Variants in ATG101 observed in about 807,000 individuals in gnomAD.
The protein encoded by ATG101 is autophagy related 101.
In ATG101, 6 loss-of-function variants were observed where a neutral mutation model predicts 16.7. That is an observed-to-expected ratio of 0.36 (90% CI 0.20 to 0.71). ATG101 has a LOEUF of 0.71. ATG101 is among the 30% of genes least tolerant of loss of function. ATG101 has a pLI of 0.57. For synonymous variants in ATG101, 108 were observed against 118.1 expected (o/e 0.91, Z 0.56); for missense variants, 200 against 292.5 (o/e 0.68, Z 2.31).
Position 52,076,998 on chromosome 12 carries a change from C to T in ATG101, c.465C>T (p.Ile155=), listed in dbSNP as rs373128893. The T allele has an allele frequency of 2.7e-4, 429 of 1,614,046 alleles. No individual in the cohort carries two copies. The highest frequency in any genetic ancestry group is 3.3e-4 in the Non-Finnish European group (388 of 1,180,046). The change falls in exon 4 of 4, where the codon ATC becomes ATT. Residue 155 remains isoleucine, a synonymous_variant. Transcript: ENST00000336854. ...AACTCTGCGAGAAGATCATCAACATCGTGGAGGTGATGAATCGGCATGAGT... is the reference window on the plus strand; with the variant it reads ...AACTCTGCGAGAAGATCATCAACATTGTGGAGGTGATGAATCGGCATGAGT... ...GEKLCEKIIN[I]VEVMNRHEYL... is the part of the protein sequence containing the mutation.
intron 3 of ATG101, among the ~76,000 whole-genome samples, chr12:52,074,336 G>GTGCC (rs1051406419): frequency 6.6e-6 from 1 of 152,148 alleles, no homozygotes; most frequent in Non-Finnish European, 1.5e-5. Flanking sequence ...TTTTGGTGGT[G>GTGCC]TGGCATTGTG....
Position 52,077,331 on chromosome 12 carries a change from T to C in ATG101, c.*141T>C. ...GGGGCAGCCCCCGCTGGCTTCTTGG[T>C]TTTGTGGTTGCCAGCCTCAGGTCAT... On this transcript the variant is annotated 3_prime_UTR_variant, in exon 4 of 4. Coordinates refer to ENST00000336854, the MANE Select transcript of ATG101 (RefSeq NM_021934.5). 1 of 970,890 alleles carries C rather than the reference T, an allele frequency of 1.0e-6. No homozygotes were observed. The highest frequency in any genetic ancestry group is 1.5e-6 in the Non-Finnish European group (1 of 673,290). 60.1% of individuals were successfully genotyped at this position (970,890 alleles called of 1,614,324 possible).
At position 52,073,922 on chromosome 12, in the gene ATG101, C is replaced by G. The variant is rs758140475; in HGVS notation, c.252+20C>G. 3.3e-6 allele frequency: 5 copies of G among 1,504,406 alleles called. No individual in the cohort carries two copies. The highest frequency in any genetic ancestry group is 3.6e-5 in the Admixed American group (2 of 55,448). The allele number at this position is 1,504,406 out of a possible 1,614,324, so 93.2% of individuals were successfully genotyped here. A position where few individuals can be genotyped will look rare whatever the true frequency, so the allele number is the denominator to read the frequency against. On this transcript the variant is annotated intron_variant, in intron 3 of 3. Transcript: ENST00000336854. ...TTCAAGGTAAGGGTGTCGGGGAGTT[C>G]AAGGTAAGGGTGTGGCATAGCAGAT...
upstream of ATG101, among the ~76,000 whole-genome samples, chr12:52,066,875 T>A (rs951160959): frequency 2.6e-5 from 4 of 152,182 alleles, no homozygotes; most frequent in African/African-American, 9.7e-5. Context: ...CTCTGGCACC[T>A]CCTCCACTCC....
At chr12:52,071,701 C>T (rs895125166) in intron 2 of ATG101, among the ~76,000 whole-genome samples, 1 of 151,968 alleles carries the variant, frequency 6.6e-6, no homozygotes, top group African/African-American at 2.4e-5. Context: ...GCCTGTGTTC[C>T]CAGCTGCTTG....
intron 3 of ATG101, among the ~76,000 whole-genome samples, chr12:52,075,422 C>T (rs1308983418): frequency 6.6e-6 from 1 of 152,210 alleles, no homozygotes; most frequent in Non-Finnish European, 1.5e-5. Context: ...TTGCTTACCT[C>T]AAAGGGTGTG....
chr12:52,067,871 C>G (rs1424737777), upstream of ATG101, among the ~76,000 whole-genome samples: 1 of 151,874 alleles, frequency 6.6e-6, no homozygotes, highest in Non-Finnish European at 1.5e-5. Context: ...GCTGGGATTA[C>G]AGGCGTGAGC....
Position 52,077,012 on chromosome 12 carries a change from A to G in ATG101, c.479A>G (p.Asn160Ser), listed in dbSNP as rs1259843820. The G allele has an allele frequency of 1.9e-6, 3 of 1,614,074 alleles. No individual in the cohort carries two copies. Among genetic ancestry groups the G allele is most frequent in the East Asian group, 2.2e-5 (1 of 44,884 alleles). ...ATCATCAACATCGTGGAGGTGATGAATCGGCATGAGTACTTGCCCAAGATG... is the reference window on the plus strand; with the variant it reads ...ATCATCAACATCGTGGAGGTGATGAGTCGGCATGAGTACTTGCCCAAGATG... Reference protein sequence around the residue: ...EKIINIVEVMNRHEYLPKMPT... With the variant: ...EKIINIVEVMSRHEYLPKMPT... The change falls in exon 4 of 4, where the codon AAT becomes AGT. Residue 160 changes from asparagine (N) to serine (S), a missense_variant. Transcript: ENST00000336854.
intron 2 of ATG101, 161 bp downstream of exon 2, chr12:52,070,644 A>G (rs1475334426): frequency 1.3e-5 from 2 of 152,366 alleles, no homozygotes; most frequent in Non-Finnish European, 2.9e-5. Flanking sequence ...CAAGGTTTTC[A>G]CAGACCAAAT....
chr12:52,073,044 A>T (rs1433103704), intron 2 of ATG101, among the ~76,000 whole-genome samples: 3 of 152,144 alleles, frequency 2.0e-5, no homozygotes, highest in African/African-American at 7.2e-5. Context: ...TGCTGGGATT[A>T]ATGTGAGCCA....
upstream of ATG101, chr12:52,069,959 GC>G (rs1426275666): frequency 1.3e-5 from 2 of 152,374 alleles, no homozygotes; most frequent in Non-Finnish European, 2.9e-5. Flanking sequence ...TTCCCGGCGC[GC>G]GGGGGGCGGT....
intron 2 of ATG101, 132 bp from the exon 3 acceptor site, chr12:52,073,443 C>T (rs1333774664): frequency 6.8e-6 from 4 of 591,056 alleles, no homozygotes; most frequent in Non-Finnish European, 1.2e-5. Flanking sequence ...CTTGATGATT[C>T]GTTGATAGTG....
At chr12:52,069,085 T>A (rs1447153212), upstream of ATG101, among the ~76,000 whole-genome samples, 1 of 150,456 alleles carries the variant, frequency 6.6e-6, no homozygotes, top group Non-Finnish European at 1.5e-5. Flanking sequence ...TGCTCTGGGC[T>A]TACAATCTAC....
At chr12:52,067,147 G>C (rs1289805364), upstream of ATG101, among the ~76,000 whole-genome samples, 1 of 152,196 alleles carries the variant, frequency 6.6e-6, no homozygotes, top group Non-Finnish European at 1.5e-5. Context: ...CTGAGGAGGA[G>C]CTTGTGCAGC....
chr12:52,073,790 T>C lies in ATG101; in HGVS notation c.140T>C (p.Ile47Thr), dbSNP rs374544709. 8 of 1,614,120 alleles carry C rather than the reference T, an allele frequency of 5.0e-6. No homozygotes were observed. Among genetic ancestry groups the C allele is most frequent in the African/African-American group, 4.0e-5 (3 of 74,944 alleles). ...TACAAGAAGGAGGGCACCTACTCCA[T>C]TGGCACCGTGGGCACCCAGGATGTT... The part of the protein sequence containing the change: ...FHYKKEGTYS[I>T]GTVGTQDVDC... The change falls in exon 3 of 4, where the codon ATT (isoleucine) becomes ACT (threonine). Residue 47 changes from isoleucine (I) to threonine (T), a missense_variant. Transcript: ENST00000336854.
upstream of ATG101, among the ~76,000 whole-genome samples, chr12:52,067,802 G>T (rs1213793906): frequency 1.3e-5 from 2 of 149,828 alleles, no homozygotes; most frequent in Non-Finnish European, 3.0e-5. Flanking sequence ...CACCATGTTG[G>T]TTAGGCTGGT....
At chr12:52,074,402 C>T (rs1411353418) in intron 3 of ATG101, among the ~76,000 whole-genome samples, 4 of 152,196 alleles carry the variant, frequency 2.6e-5, no homozygotes, top group Non-Finnish European at 4.4e-5. Flanking sequence ...CTGTTGGTCA[C>T]CTCAGGAGGT....
At chr12:52,068,990 C>CAAAAAAAA (rs869030833), upstream of ATG101, among the ~76,000 whole-genome samples, 754 of 33,502 alleles carry the variant, frequency 0.023, 130 homozygotes, top group Admixed American at 0.083. Flanking sequence ...GACGCCGTCT[C>CAAAAAAAA]AAAAAAAAAA....
chr12:52,073,951 A>AG (rs201925801), intron 3 of ATG101, 49 bp downstream of exon 3: 3 of 1,598,258 alleles, frequency 1.9e-6, no homozygotes, highest in Non-Finnish European at 2.6e-6. Context: ...AGCAGATGGC[A>AG]GGGGGGCCTC....
Sources: allele counts gnomAD v4.1 joint callset (sites outside exome capture counted in the v4.1 genomes callset), GRCh38; gene constraint gnomAD v4.1.1; transcripts MANE v1.5; gene names NCBI Gene and HGNC (gene_info 2026-07-23, HGNC 2026-07-21).